Variants in GRXCR1 observed in about 807,000 individuals in gnomAD.
The protein encoded by GRXCR1 is glutaredoxin and cysteine rich domain containing 1, also known as glutaredoxin domain-containing cysteine-rich protein 1.
In GRXCR1, 27 loss-of-function variants were observed where a neutral mutation model predicts 27.3. That is an observed-to-expected ratio of 0.99 (90% CI 0.73 to 1.37). The LOEUF (loss-of-function observed/expected upper bound fraction) is 1.37, where lower values mean the gene tolerates loss of function less well. Among genes scored for constraint, GRXCR1 ranks in the 40% most tolerant of loss-of-function variants. The probability of loss-of-function intolerance (pLI) is 0.00; values close to 1 mark genes in which losing one functional copy is unlikely to be tolerated. For synonymous variants in GRXCR1, 122 were observed against 131.1 expected (o/e 0.93, Z 0.47); for missense variants, 379 against 354.4 (o/e 1.07, Z -0.56).
intron 2 of GRXCR1, among the ~76,000 whole-genome samples, chr4:42,988,768 G>A (rs1032357815): frequency 1.3e-5 from 2 of 152,106 alleles, no homozygotes; most frequent in African/African-American, 2.4e-5. Flanking sequence ...AACTTGTACT[G>A]CGACTGAGAA....
At chr4:43,011,361 G>T (rs1712744813) in intron 2 of GRXCR1, among the ~76,000 whole-genome samples, 1 of 152,166 alleles carries the variant, frequency 6.6e-6, no homozygotes, top group South Asian at 2.1e-4. Context: ...GCTGGAGCAG[G>T]ATAGAGAGGT....
intron 2 of GRXCR1, among the ~76,000 whole-genome samples, chr4:42,988,813 C>A (rs567264289): frequency 1.9e-4 from 29 of 152,092 alleles, no homozygotes; most frequent in African/African-American, 6.8e-4. Flanking sequence ...TGCCAGTATG[C>A]AATATAGTTT....
chr4:42,991,069 CT>C (rs1471238127), intron 2 of GRXCR1, among the ~76,000 whole-genome samples: 38 of 151,936 alleles, frequency 2.5e-4, no homozygotes, highest in African/African-American at 9.2e-4. Context: ...ACATAATTAT[CT>C]TTGTTTAGTT....
intron 1 of GRXCR1, among the ~76,000 whole-genome samples, chr4:42,945,613 A>G (rs1366509873): frequency 2.0e-5 from 3 of 152,100 alleles, no homozygotes; most frequent in East Asian, 1.9e-4. Context: ...TTGTAAATTG[A>G]GCTCTACAGA....
At chr4:42,915,884 T>A (rs1746873813) in intron 1 of GRXCR1, among the ~76,000 whole-genome samples, 1 of 152,182 alleles carries the variant, frequency 6.6e-6, no homozygotes, top group Non-Finnish European at 1.5e-5. Context: ...ACTCTTTTTT[T>A]ATTTTACCTC....
At chr4:42,949,738 A>G (rs978860795) in intron 1 of GRXCR1, among the ~76,000 whole-genome samples, 3 of 152,184 alleles carry the variant, frequency 2.0e-5, no homozygotes, top group Admixed American at 6.6e-5. Context: ...TTTAGGTGAC[A>G]CTGGGACCAT....
chr4:42,900,407 T>C (rs969628227), intron 1 of GRXCR1, among the ~76,000 whole-genome samples: 5 of 152,180 alleles, frequency 3.3e-5, no homozygotes, highest in South Asian at 4.1e-4. Context: ...AGGAGTGAAG[T>C]AATAGACTCT....
In GRXCR1 at chr4:42,982,645, T is replaced by C. The variant is rs1179094598; in HGVS notation, c.627+19511T>C. On this transcript the variant is annotated intron_variant, in intron 2 of 3. Transcript: ENST00000399770. ...GGAATCGCCACACTGACTTCCACAA[T>C]GGTTGAACTAGTTTACAGTCCCACC... Among the ~76,000 whole-genome samples the C allele has an allele frequency of 6.1e-4, 78 of 128,096 alleles. 1 individual carries two copies. Among genetic ancestry groups the C allele is most frequent in the African/African-American group, 2.1e-3 (72 of 34,874 alleles). 84.0% of individuals were successfully genotyped at this position (128,096 alleles called of 152,430 possible).
At chr4:42,980,254 CTTCT>C (rs1748625168) in intron 2 of GRXCR1, among the ~76,000 whole-genome samples, 1 of 143,022 alleles carries the variant, frequency 7.0e-6, no homozygotes, top group East Asian at 2.0e-4. Flanking sequence ...TGAGATCTTT[CTTCT>C]TTGACGTAGG....
At chr4:42,895,927 G>C (rs1290171428) in intron 1 of GRXCR1, among the ~76,000 whole-genome samples, 1 of 152,064 alleles carries the variant, frequency 6.6e-6, no homozygotes, top group Non-Finnish European at 1.5e-5. Context: ...AACTTGACTG[G>C]ATGTAATTTA....
intron 2 of GRXCR1, among the ~76,000 whole-genome samples, chr4:42,964,257 T>C (rs1748190183): frequency 6.6e-6 from 1 of 151,946 alleles, no homozygotes; most frequent in African/African-American, 2.4e-5. Flanking sequence ...ATAATAGTAA[T>C]AATAACACTC....
chr4:42,962,930 T>A lies in GRXCR1; in HGVS notation c.423T>A (p.Ile141=), dbSNP rs1466002148. The A allele has an allele frequency of 6.2e-7, 1 of 1,612,710 alleles. No individual in the cohort carries two copies. The highest frequency in any genetic ancestry group is 1.7e-5 in the Admixed American group (1 of 59,892). ...ATCTAGAATTTGACCGTGTAGTGATTTATACCACCTGCCTTCGTGTGGTCC... is the reference window on the plus strand; with the variant it reads ...ATCTAGAATTTGACCGTGTAGTGATATATACCACCTGCCTTCGTGTGGTCC... ...STDLEFDRVV[I]YTTCLRVVRT... The change falls in exon 2 of 4, where the codon ATT becomes ATA. Residue 141 remains isoleucine, a synonymous_variant. Coordinates refer to ENST00000399770, the MANE Select transcript of GRXCR1 (RefSeq NM_001080476.3).
chr4:43,020,343 C>T lies in GRXCR1; in HGVS notation c.628-11C>T, dbSNP rs727503089. ...AAATGGATTTTTCTCCCTACTCTCT[C>T]TCGTTAATAGGGTGCTGAGAAAATT... On this transcript the variant is annotated splice_polypyrimidine_tract_variant and intron_variant, in intron 2 of 3. Transcript: ENST00000399770. 4.4e-6 allele frequency: 7 copies of T among 1,582,622 alleles called. No individual in the cohort carries two copies. Among genetic ancestry groups the T allele is most frequent in the Admixed American group, 1.7e-5 (1 of 59,900 alleles).
At position 42,915,071 on chromosome 4, in the gene GRXCR1, G is replaced by A. The variant is rs544838784; in HGVS notation, c.384+21421G>A. 9.9e-5 allele frequency among the ~76,000 whole-genome samples: 15 copies of A among 152,226 alleles called. No homozygotes were observed. In the East Asian group the frequency reaches 2.9e-3, roughly 30 times the overall value. ...ACTCAGTCTTGGGGATTTCTTCATA[G>A]CAGCATGAGAATGAACTAATACAAT... On this transcript the variant is annotated intron_variant, in intron 1 of 3. Transcript: ENST00000399770.
chr4:42,971,677 C>T (rs2109779668), intron 2 of GRXCR1, among the ~76,000 whole-genome samples: 1 of 152,076 alleles, frequency 6.6e-6, no homozygotes, highest in Middle Eastern at 3.4e-3. Flanking sequence ...CAATCACCTC[C>T]CACCAGGTCC....
chr4:43,023,456 C>T (rs1371554954), intron 3 of GRXCR1, among the ~76,000 whole-genome samples: 5 of 152,104 alleles, frequency 3.3e-5, no homozygotes, highest in African/African-American at 1.2e-4. Flanking sequence ...CTGAAAATTG[C>T]TGGGGAAGCT....
chr4:42,981,569 GTTCTT>G (rs767545133), intron 2 of GRXCR1, among the ~76,000 whole-genome samples: 11 of 152,222 alleles, frequency 7.2e-5, no homozygotes, highest in Non-Finnish European at 1.3e-4. Context: ...ACTCATTAGT[GTTCTT>G]TTCTTTTAGC....
chr4:42,924,912 G>A (rs542127485), intron 1 of GRXCR1, among the ~76,000 whole-genome samples: 26 of 152,086 alleles, frequency 1.7e-4, no homozygotes, highest in African/African-American at 6.3e-4. Context: ...CCAAGACTTT[G>A]ACAGGTTTAT....
intron 1 of GRXCR1, 100 bp from the exon 2 acceptor site, chr4:42,962,792 T>C: frequency 2.9e-6 from 4 of 1,366,964 alleles, no homozygotes; most frequent in Non-Finnish European, 4.2e-6. Context: ...GTTCATTCAA[T>C]TTTATTGCAT....
Sources: allele counts gnomAD v4.1 joint callset (sites outside exome capture counted in the v4.1 genomes callset), GRCh38; gene constraint gnomAD v4.1.1; transcripts MANE v1.5; gene names NCBI Gene and HGNC (gene_info 2026-07-23, HGNC 2026-07-21).